Variants in CASQ2 observed in about 807,000 individuals in gnomAD.
CASQ2 encodes the protein calsequestrin-2.
A neutral mutation model predicts 46.5 loss-of-function variants in CASQ2; 49 were observed. The ratio of observed to expected loss-of-function variants is 1.05; its 90% CI spans 0.84 to 1.34. CASQ2 has a LOEUF of 1.34. CASQ2 is among the 40% of genes most tolerant of loss of function. The pLI, the probability that CASQ2 is intolerant of heterozygous loss-of-function variation, is 0.00. For synonymous variants in CASQ2, 174 were observed against 168.5 expected (o/e 1.03, Z -0.25); for missense variants, 486 against 481.3 (o/e 1.01, Z -0.09).
rs150486780 is a variant in CASQ2, at chr1:115,701,307, A to T, written c.1134T>A (p.Asp378Glu). ...CATCAGAATTATCATCATCATCATC[A>T]TCTTCATCATCATCTTCAGTGTTTA... ...GKINTEDDDE[D>E]DDDDDNSDEE... is the part of the protein sequence containing the mutation. Residue 378 changes from aspartate to glutamate, a missense_variant, in exon 11 of 11, where the codon GAT (aspartate) becomes GAA (glutamate). Asp to Glu is a conservative substitution (Grantham distance 45). Coordinates refer to ENST00000261448, the MANE Select transcript of CASQ2 (RefSeq NM_001232.4). 22 of 1,588,572 alleles carry T rather than the reference A, an allele frequency of 1.4e-5. No individual in the cohort carries two copies. Among genetic ancestry groups the T allele is most frequent in the African/African-American group, 6.7e-5 (5 of 74,380 alleles).
intron 1 of CASQ2, among the ~76,000 whole-genome samples, chr1:115,761,222 C>A (rs545267863): frequency 1.3e-5 from 2 of 149,922 alleles, no homozygotes; most frequent in Admixed American, 6.7e-5. Flanking sequence ...CATGGTGAAA[C>A]CCTGTCTCTA....
chr1:115,712,824 C>A (rs1298284010), intron 8 of CASQ2, among the ~76,000 whole-genome samples: 4 of 146,454 alleles, frequency 2.7e-5, no homozygotes, highest in Admixed American at 6.9e-5. Context: ...CCACTGCACT[C>A]CAGCCTGAGC....
chr1:115,743,236 C>T (rs936166660), intron 2 of CASQ2, among the ~76,000 whole-genome samples: 6 of 134,262 alleles, frequency 4.5e-5, no homozygotes, highest in African/African-American at 2.0e-4. Context: ...TTTATTTATT[C>T]ATTCATTCAT....
At chr1:115,713,792 C>T (rs540208190) in intron 8 of CASQ2, among the ~76,000 whole-genome samples, 1 of 152,174 alleles carries the variant, frequency 6.6e-6, no homozygotes, top group Non-Finnish European at 1.5e-5. Context: ...CCTGCACTGG[C>T]TGGGGCATTG....
At chr1:115,717,982 G>C (rs1647224812) in intron 7 of CASQ2, 88 bp from the exon 8 acceptor site, 1 of 918,208 alleles carries the variant, frequency 1.1e-6, no homozygotes, top group African/African-American at 1.6e-5. Flanking sequence ...AGCTGGAATG[G>C]GAATAGGAGA....
intron 4 of CASQ2, among the ~76,000 whole-genome samples, chr1:115,733,320 T>G (rs555247525): frequency 2.7e-4 from 41 of 152,326 alleles, no homozygotes; most frequent in Admixed American, 4.6e-4. Context: ...AACTCACTGC[T>G]ACTTATAATC....
chr1:115,731,012 C>A (rs997997783), intron 5 of CASQ2, among the ~76,000 whole-genome samples: 1 of 152,168 alleles, frequency 6.6e-6, no homozygotes, highest in East Asian at 1.9e-4. Flanking sequence ...TTGGACACCC[C>A]CTCCACCCCA....
chr1:115,720,266 G>A (rs904896268), intron 7 of CASQ2, among the ~76,000 whole-genome samples: 3 of 152,034 alleles, frequency 2.0e-5, no homozygotes, highest in East Asian at 1.9e-4. Flanking sequence ...TTGGTGTCTC[G>A]CGAGGCCTGC....
rs1407682157 is a variant in CASQ2 at position 115,700,630 on chromosome 1, G to A, written c.*611C>T. The A allele has an allele frequency of 2.7e-5, 5 of 187,166 alleles. No homozygotes were observed. The highest frequency in any genetic ancestry group is 1.1e-4 in the Admixed American group (2 of 18,918). The allele number at this position is 187,166 out of a possible 1,614,324, so 11.6% of individuals were successfully genotyped here. A position where few individuals can be genotyped will look rare whatever the true frequency, so the allele number is the denominator to read the frequency against. On this transcript the variant is annotated 3_prime_UTR_variant, in exon 11 of 11. Transcript: ENST00000261448. ...CAAGCCCTCTCCATAGCCATCCAAA[G>A]GCTTGAATATCCAAGTTCATAGTGA...
At chr1:115,716,056 G>A (rs144519917) in intron 8 of CASQ2, among the ~76,000 whole-genome samples, 1 of 152,280 alleles carries the variant, frequency 6.6e-6, no homozygotes, top group Non-Finnish European at 1.5e-5. Flanking sequence ...CTCCCTATGA[G>A]TATACAAGAG....
intron 2 of CASQ2, among the ~76,000 whole-genome samples, chr1:115,744,024 A>G (rs1648296376): frequency 6.6e-6 from 1 of 151,870 alleles, no homozygotes; most frequent in African/African-American, 2.4e-5. Flanking sequence ...TGTGACTGTA[A>G]TCTCAGCTAC....
At chr1:115,726,954 ACCCCAGGCCCCCAGC>A in intron 6 of CASQ2, 23 bp downstream of exon 6, 3 of 1,107,958 alleles carry the variant, frequency 2.7e-6, no homozygotes, top group Non-Finnish European at 4.0e-6. Flanking sequence ...CATTCCCCAG[ACCCCAGGCCCCCAGC>A]CCCCACATGC....
At chr1:115,723,829 A>G (rs1007476632) in intron 7 of CASQ2, among the ~76,000 whole-genome samples, 1 of 152,214 alleles carries the variant, frequency 6.6e-6, no homozygotes, top group African/African-American at 2.4e-5. Flanking sequence ...ATGAGTCACT[A>G]TGCCTAGCGA....
intron 7 of CASQ2, among the ~76,000 whole-genome samples, chr1:115,720,168 AC>A (rs1256120504): frequency 6.6e-6 from 1 of 152,176 alleles, no homozygotes; most frequent in Non-Finnish European, 1.5e-5. Flanking sequence ...GGCTGCTATA[AC>A]AACATATCAA....
At chr1:115,739,291 A>T (rs4839474) in intron 3 of CASQ2, among the ~76,000 whole-genome samples, 115,704 of 146,970 alleles carry the variant, frequency 0.79, 49,012 homozygotes, top group Non-Finnish European at 0.94. Context: ...TTATTTTTGT[A>T]TTTTTAGTAG....
intron 1 of CASQ2, among the ~76,000 whole-genome samples, chr1:115,748,363 C>G (rs983423389): frequency 2.6e-5 from 4 of 152,160 alleles, no homozygotes; most frequent in African/African-American, 9.7e-5. Context: ...CTGTTCCCAG[C>G]CTCTTTCTTT....
At chr1:115,740,306 T>C (rs7551518) in intron 3 of CASQ2, among the ~76,000 whole-genome samples, 108,111 of 152,082 alleles carry the variant, frequency 0.71, 42,149 homozygotes, top group Non-Finnish European at 0.88. Context: ...TTTAGCTCTG[T>C]CACTTCTCTA....
Position 115,738,329 on chromosome 1 carries a change from C to A in CASQ2, c.427G>T (p.Glu143Ter). 6.2e-7 allele frequency: 1 copy of A among 1,602,570 alleles called. No homozygotes were observed. Among genetic ancestry groups the A allele is most frequent in the Non-Finnish European group, 8.6e-7 (1 of 1,169,418 alleles). Residue 143 changes from glutamate to a stop codon, truncating the protein, a stop_gained, in exon 4 of 11, where the codon GAA (glutamate) becomes TAA (stop). Transcript: ENST00000261448. LOFTEE classifies it high-confidence loss of function. ...CTGCTGATGATCTCCACTGGGTCTT[C>A]AATTAGCTGAAATGCCACACGCACA... The part of the protein sequence containing the change: ...VLVEFLLDLI[E>*]DPVEIISSKL...
rs151112825 is a variant in CASQ2, at chr1:115,748,763, T to C, written c.235-3851A>G. ...AGCCCCTGTGTTCTATTTAGTGCTG[T>C]CAAAATCTTAAGTTAAATGTTCCCT... On this transcript the variant is annotated intron_variant, in intron 1 of 10. Transcript: ENST00000261448. Among the ~76,000 whole-genome samples the C allele has an allele frequency of 2.0e-5, 3 of 152,288 alleles. No homozygotes were observed. In the East Asian group the frequency reaches 5.8e-4, roughly 29 times the overall value.
Sources: allele counts gnomAD v4.1 joint callset (sites outside exome capture counted in the v4.1 genomes callset), GRCh38; gene constraint gnomAD v4.1.1; transcripts MANE v1.5; gene names NCBI Gene and HGNC (gene_info 2026-07-23, HGNC 2026-07-21).